The following MAGI2 variants were observed in gnomAD, a reference collection of about 807,000 sequenced individuals.
The protein encoded by MAGI2 is membrane associated guanylate kinase, WW and PDZ domain containing 2, also known as membrane-associated guanylate kinase, WW and PDZ domain-containing protein 2.
Under a neutral mutation model 133.3 loss-of-function variants are expected in MAGI2, and 35 were observed. The ratio of observed to expected loss-of-function variants is 0.26; its 90% CI spans 0.20 to 0.35. MAGI2 has a LOEUF of 0.35. Among genes scored for constraint, MAGI2 ranks in the 10% least tolerant of loss-of-function variants. MAGI2 has a pLI of 1.00. For synonymous variants in MAGI2, 729 were observed against 710.6 expected (o/e 1.03, Z -0.41); for missense variants, 1,636 against 1,863.4 (o/e 0.88, Z 2.25).
intron 6 of MAGI2, among the ~76,000 whole-genome samples, chr7:78,447,378 T>TAA (rs61438029): frequency 2.1e-5 from 3 of 139,920 alleles, no homozygotes; most frequent in African/African-American, 2.6e-5. Context: ...TCCAGATGGC[T>TAA]AAAAAAAAAA....
chr7:79,236,609 T>C (rs1203781163), intron 1 of MAGI2, among the ~76,000 whole-genome samples: 40 of 152,222 alleles, frequency 2.6e-4, no homozygotes, highest in Non-Finnish European at 2.9e-5. Context: ...AGACCTCATG[T>C]CCCAAGTCTG....
At chr7:79,028,243 A>C (rs189908062) in intron 1 of MAGI2, among the ~76,000 whole-genome samples, 6,863 of 48,328 alleles carry the variant, frequency 0.14, 238 homozygotes, top group Non-Finnish European at 0.18. Context: ...ATGTATATAT[A>C]TATATATATA....
At chr7:78,461,603 G>A (rs1199936360) in intron 6 of MAGI2, among the ~76,000 whole-genome samples, 3 of 151,980 alleles carry the variant, frequency 2.0e-5, no homozygotes, top group Admixed American at 1.3e-4. Flanking sequence ...TTTCACTGAA[G>A]AGAAGTGATG....
Position 78,286,624 on chromosome 7 carries a change from A to G in MAGI2, c.1409-30043T>C, listed in dbSNP as rs552223422. 3.9e-5 allele frequency among the ~76,000 whole-genome samples: 6 copies of G among 152,194 alleles called. No individual in the cohort carries two copies. The South Asian group carries it at 1.0e-3, about 26-fold the overall frequency. On this transcript the variant is annotated intron_variant, in intron 9 of 21. Coordinates refer to ENST00000354212, the MANE Select transcript of MAGI2 (RefSeq NM_012301.4). ...GATAAACTTGGAGATGAGGACAATCATGAGAGTCCGCTGAGGTGAAGGGCT... is the reference window on the plus strand; with the variant it reads ...GATAAACTTGGAGATGAGGACAATCGTGAGAGTCCGCTGAGGTGAAGGGCT...
intron 13 of MAGI2, chr7:78,184,373 A>C (rs1827481047): frequency 2.0e-5 from 3 of 152,200 alleles, no homozygotes; most frequent in African/African-American, 7.2e-5. Context: ...GAAAACACTA[A>C]ATAATATCTT....
chr7:78,128,164 C>G (rs79453856), intron 18 of MAGI2, among the ~76,000 whole-genome samples: 3,323 of 152,170 alleles, frequency 0.022, 112 homozygotes, highest in African/African-American at 0.075. Context: ...TTGCTTGCTT[C>G]TAGATATTAG....
chr7:78,129,320 A>C (rs1821308137), intron 18 of MAGI2, among the ~76,000 whole-genome samples: 1 of 78,602 alleles, frequency 1.3e-5, no homozygotes, highest in Non-Finnish European at 2.7e-5. Flanking sequence ...TTCTTTAATA[A>C]GGGAAACATA....
intron 6 of MAGI2, among the ~76,000 whole-genome samples, chr7:78,467,706 T>C (rs572889210): frequency 6.6e-6 from 1 of 152,130 alleles, no homozygotes; most frequent in African/African-American, 2.4e-5. Flanking sequence ...AAAAAACAAG[T>C]TGAATTCTTA....
At chr7:78,372,416 C>T (rs538280079) in intron 6 of MAGI2, among the ~76,000 whole-genome samples, 9 of 152,276 alleles carry the variant, frequency 5.9e-5, no homozygotes, top group East Asian at 3.9e-4. Flanking sequence ...TTTCCAACAT[C>T]GCACTATTTG....
intron 3 of MAGI2, among the ~76,000 whole-genome samples, chr7:78,535,490 G>T (rs1008028722): frequency 2.0e-5 from 3 of 152,128 alleles, no homozygotes; most frequent in African/African-American, 7.2e-5. Context: ...AGGTAAAGAT[G>T]TTATCTTTGA....
intron 10 of MAGI2, among the ~76,000 whole-genome samples, chr7:78,241,241 T>C (rs1791103849): frequency 6.6e-6 from 1 of 152,026 alleles, no homozygotes; most frequent in South Asian, 2.1e-4. Context: ...ACTGACAAAA[T>C]ATAAAAACTC....
intron 2 of MAGI2, among the ~76,000 whole-genome samples, chr7:78,812,536 C>T (rs924462257): frequency 4.6e-5 from 7 of 151,556 alleles, no homozygotes; most frequent in African/African-American, 9.7e-5. Context: ...TAGATCCATG[C>T]GGTGTGCTGG....
At chr7:78,231,934 GT>G (rs34344680) in intron 10 of MAGI2, among the ~76,000 whole-genome samples, 3 of 151,388 alleles carry the variant, frequency 2.0e-5, no homozygotes, top group South Asian at 2.1e-4. Flanking sequence ...AACCAAGAGG[GT>G]TTTTTTTCCC....
At chr7:79,132,735 A>G (rs922916229) in intron 1 of MAGI2, among the ~76,000 whole-genome samples, 1 of 152,118 alleles carries the variant, frequency 6.6e-6, no homozygotes, top group African/African-American at 2.4e-5. Context: ...ATTGTTTTTC[A>G]GAGAGGTTTT....
chr7:78,614,512 AT>A (rs1257114466), intron 3 of MAGI2: 1 of 152,290 alleles, frequency 6.6e-6, no homozygotes, highest in African/African-American at 2.4e-5. Context: ...AAAAAACATT[AT>A]TGGGGCAAAA....
intron 3 of MAGI2, among the ~76,000 whole-genome samples, chr7:78,587,581 T>G (rs914265723): frequency 3.3e-5 from 5 of 152,240 alleles, no homozygotes; most frequent in African/African-American, 9.6e-5. Flanking sequence ...CAAACAAAAT[T>G]TAATCACTTT....
At chr7:79,310,444 G>C (rs1470169248) in intron 1 of MAGI2, among the ~76,000 whole-genome samples, 1 of 152,072 alleles carries the variant, frequency 6.6e-6, no homozygotes, top group Non-Finnish European at 1.5e-5. Flanking sequence ...CTCCTACCTG[G>C]AAATAATTTG....
Position 79,360,033 on chromosome 7 carries a change from T to G in MAGI2, c.301+92987A>C, listed in dbSNP as rs1199788265. Among the ~76,000 whole-genome samples, 6 of 152,282 alleles carry G rather than the reference T, an allele frequency of 3.9e-5. 1 individual carries two copies. In the South Asian group the frequency reaches 1.2e-3, roughly 32 times the overall value. On this transcript the variant is annotated intron_variant, in intron 1 of 21. Coordinates refer to ENST00000354212, the MANE Select transcript of MAGI2 (RefSeq NM_012301.4). ...ATCAGAATTGTCTGAGTCATCAGAA[T>G]TATCCATTTCAAAAAAATTAAATTC...
At chr7:79,179,922 G>C (rs184037492) in intron 1 of MAGI2, among the ~76,000 whole-genome samples, 1 of 151,938 alleles carries the variant, frequency 6.6e-6, no homozygotes, top group African/African-American at 2.4e-5. Context: ...ATAGACAAAC[G>C]GGACTCTGTC....
Sources: allele counts gnomAD v4.1 joint callset (sites outside exome capture counted in the v4.1 genomes callset), GRCh38; gene constraint gnomAD v4.1.1; transcripts MANE v1.5; gene names NCBI Gene and HGNC (gene_info 2026-07-23, HGNC 2026-07-21).